The following RAB27B variants were observed in gnomAD, a reference collection of about 807,000 sequenced individuals.
The protein encoded by RAB27B is RAB27B, member RAS oncogene family.
Under a neutral mutation model 24.6 loss-of-function variants are expected in RAB27B, and 15 were observed. The observed-to-expected ratio is 0.61, with a 90% CI of 0.41 to 0.94. The LOEUF (loss-of-function observed/expected upper bound fraction) is 0.94, where lower values mean the gene tolerates loss of function less well. Ranked by LOEUF, RAB27B falls within the 40% of genes least tolerant of loss-of-function variation. The pLI is 0.00. For missense variants in RAB27B, 261 were observed against 266.8 expected (o/e 0.98, Z 0.15); for synonymous variants, 105 against 92.5 (o/e 1.14, Z -0.78).
rs192113361 is a variant in RAB27B, at chr18:54,850,159, A to C, written c.-20+21459A>C. Among the ~76,000 whole-genome samples, 1,041 of 151,816 alleles carry C rather than the reference A, an allele frequency of 6.9e-3. 5 individuals are homozygous for C. Among genetic ancestry groups the C allele is most frequent in the Non-Finnish European group, 0.011 (763 of 67,936 alleles). On this transcript the variant is annotated intron_variant, in intron 1 of 5. Transcript: ENST00000262094. ...AACTGGGCTCTGGCATATTCTAAAA[A>C]TATCTTCCTGTCTAAAAAAACATTT...
intron 2 of RAB27B, among the ~76,000 whole-genome samples, chr18:54,817,239 G>C (rs1363467358): frequency 6.6e-6 from 1 of 152,142 alleles, no homozygotes; most frequent in African/African-American, 2.4e-5. Flanking sequence ...ACTTTTATCA[G>C]CAGAATGAGT....
At chr18:54,773,673 TC>T (rs1157756480) in intron 2 of RAB27B, among the ~76,000 whole-genome samples, 1 of 150,778 alleles carries the variant, frequency 6.6e-6, no homozygotes, top group East Asian at 1.9e-4. Context: ...CAATCTACTT[TC>T]TTTTTTTTTT....
At chr18:54,760,741 G>A (rs891623692) in intron 2 of RAB27B, among the ~76,000 whole-genome samples, 16 of 152,244 alleles carry the variant, frequency 1.1e-4, no homozygotes, top group Admixed American at 7.9e-4. Flanking sequence ...TAAGTGGGCA[G>A]GATGGCAATT....
chr18:54,801,568 C>T (rs562584312), intron 2 of RAB27B, among the ~76,000 whole-genome samples: 3 of 152,250 alleles, frequency 2.0e-5, no homozygotes, highest in African/African-American at 7.2e-5. Flanking sequence ...GAGCAGGGTT[C>T]ATCAGGTTCA....
intron 2 of RAB27B, among the ~76,000 whole-genome samples, chr18:54,804,932 T>C (rs71363067): frequency 0.23 from 32,238 of 138,038 alleles, 4,253 homozygotes; most frequent in East Asian, 0.42. Flanking sequence ...CTTTCTTTCT[T>C]TCTTTCTTTC....
At chr18:54,863,215 A>G (rs370911676) in intron 1 of RAB27B, among the ~76,000 whole-genome samples, 1 of 152,232 alleles carries the variant, frequency 6.6e-6, no homozygotes, top group South Asian at 2.1e-4. Context: ...AAAGGTACAT[A>G]TGATTGAATA....
intron 2 of RAB27B, chr18:54,745,538 G>T: frequency 6.3e-6 from 1 of 158,944 alleles, no homozygotes; most frequent in East Asian, 1.7e-4. Context: ...TCTGCAACTC[G>T]ACTGCTCAGG....
At chr18:54,720,180 A>C (rs1909313783) in intron 2 of RAB27B, among the ~76,000 whole-genome samples, 1 of 152,146 alleles carries the variant, frequency 6.6e-6, no homozygotes, top group African/African-American at 2.4e-5. Flanking sequence ...TTAAGCTAAG[A>C]AATAAAATGT....
At chr18:54,787,407 G>T (rs1909121182) in intron 2 of RAB27B, among the ~76,000 whole-genome samples, 1 of 152,132 alleles carries the variant, frequency 6.6e-6, no homozygotes, top group South Asian at 2.1e-4. Context: ...TTTTCAAAAG[G>T]GGAAGGAGCT....
In RAB27B at chr18:54,877,725, G is replaced by T; in HGVS notation, c.140G>T (p.Arg47Leu). ...KFITTVGIDF[R>L]EKRVVYNAQG... ...ATCACTACAGTAGGAATAGACTTTCGGGAAAAACGTGTGGTGAGTTTTTAA... is the reference window on the plus strand; with the variant it reads ...ATCACTACAGTAGGAATAGACTTTCTGGAAAAACGTGTGGTGAGTTTTTAA... Residue 47 changes from arginine (R) to leucine (L), a missense_variant, in exon 2 of 6, where the codon CGG (arginine) becomes CTG (leucine). Physicochemically the swap from Arg to Leu is moderately radical, Grantham distance 102. Transcript: ENST00000262094. The T allele has an allele frequency of 1.3e-6, 2 of 1,579,664 alleles. No individual in the cohort carries two copies. The highest frequency in any genetic ancestry group is 2.4e-5 in the South Asian group (2 of 83,576).
At chr18:54,728,850 T>C (rs1168875820) in intron 2 of RAB27B, among the ~76,000 whole-genome samples, 1 of 100,036 alleles carries the variant, frequency 1.0e-5, no homozygotes, top group Non-Finnish European at 1.8e-5. Flanking sequence ...TACTCCAGCC[T>C]GGAAGACAGA....
chr18:54,767,455 A>G (rs1045626690), intron 2 of RAB27B, among the ~76,000 whole-genome samples: 1 of 152,172 alleles, frequency 6.6e-6, no homozygotes, highest in Admixed American at 6.5e-5. Flanking sequence ...TGTATTTTTG[A>G]GATACCACCA....
Position 54,889,649 on chromosome 18 carries a change from G to T in RAB27B, c.*236G>T. 1 of 377,074 alleles carries T rather than the reference G, an allele frequency of 2.7e-6. No individual in the cohort carries two copies. Among genetic ancestry groups the T allele is most frequent in the Non-Finnish European group, 4.7e-6 (1 of 211,832 alleles). 23.4% of individuals were successfully genotyped at this position (377,074 alleles called of 1,614,324 possible). Reference sequence around the variant, plus strand: ...TTTCCCAATGTGATCTCATCATCATGGATACTCAATTTGTTTTTTCTTATA... The same window carrying T: ...TTTCCCAATGTGATCTCATCATCATTGATACTCAATTTGTTTTTTCTTATA... On this transcript the variant is annotated 3_prime_UTR_variant, in exon 6 of 6. Transcript: ENST00000262094.
intron 1 of RAB27B, among the ~76,000 whole-genome samples, chr18:54,829,678 T>A (rs2145181119): frequency 6.6e-6 from 1 of 152,344 alleles, no homozygotes; most frequent in East Asian, 1.9e-4. Flanking sequence ...GTTTTATGGT[T>A]ATAAATTTTG....
intron 1 of RAB27B, among the ~76,000 whole-genome samples, chr18:54,832,289 G>A (rs561047518): frequency 6.6e-6 from 1 of 152,164 alleles, no homozygotes; most frequent in Non-Finnish European, 1.5e-5. Context: ...ATTGGATAAA[G>A]GTGGAGGTGA....
intron 5 of RAB27B, 52 bp downstream of exon 5, chr18:54,888,170 A>G (rs1166833473): frequency 6.3e-7 from 1 of 1,584,036 alleles, no homozygotes; most frequent in Non-Finnish European, 8.6e-7. Flanking sequence ...CTGTTCAGCA[A>G]ATGGAGCAGA....
In RAB27B at chr18:54,894,220, A is replaced by G. The variant is rs1278091852; in HGVS notation, c.*4807A>G. The G allele has an allele frequency of 6.6e-6, 1 of 151,914 alleles. No individual in the cohort carries two copies. The highest frequency in any genetic ancestry group is 1.9e-4 in the East Asian group (1 of 5,174). 9.4% of individuals were successfully genotyped at this position (151,914 alleles called of 1,614,324 possible). A position where few individuals can be genotyped will look rare whatever the true frequency, so the allele number is the denominator to read the frequency against. On this transcript the variant is annotated 3_prime_UTR_variant, in exon 6 of 6. Coordinates refer to ENST00000262094, the MANE Select transcript of RAB27B (RefSeq NM_004163.4). Reference sequence around the variant, plus strand: ...AGAATACCACTAACAAACAAACAAAAACTTTAGTGCCAAAATAGTGGAACT... The same window carrying G: ...AGAATACCACTAACAAACAAACAAAGACTTTAGTGCCAAAATAGTGGAACT...
chr18:54,888,367 A>G (rs1463924125), intron 5 of RAB27B, among the ~76,000 whole-genome samples: 1 of 152,202 alleles, frequency 6.6e-6, no homozygotes, highest in Non-Finnish European at 1.5e-5. Context: ...ACCCATCATA[A>G]CTAGAGTTAT....
At chr18:54,793,367 T>C (rs1470429364) in intron 2 of RAB27B, among the ~76,000 whole-genome samples, 1 of 152,190 alleles carries the variant, frequency 6.6e-6, no homozygotes, top group Non-Finnish European at 1.5e-5. Context: ...CCTCTGATAA[T>C]TCTTTATCCA....
Sources: allele counts gnomAD v4.1 joint callset (sites outside exome capture counted in the v4.1 genomes callset), GRCh38; gene constraint gnomAD v4.1.1; transcripts MANE v1.5; gene names NCBI Gene and HGNC (gene_info 2026-07-23, HGNC 2026-07-21).